The following AAK1 variants were observed in gnomAD, a reference collection of about 807,000 sequenced individuals.
The protein encoded by AAK1 is AP2-associated protein kinase 1.
Under a neutral mutation model 116.0 loss-of-function variants are expected in AAK1, and 37 were observed. That is an observed-to-expected ratio of 0.32 (90% CI 0.25 to 0.42). The LOEUF is 0.42. Ranked by LOEUF, AAK1 falls within the 10% of genes least tolerant of loss-of-function variation. The pLI, the probability that AAK1 is intolerant of heterozygous loss-of-function variation, is 1.00. For missense variants in AAK1, 919 were observed against 1,170.6 expected (o/e 0.79, Z 3.14); for synonymous variants, 458 against 439.9 (o/e 1.04, Z -0.51).
rs1558917896 is a variant in AAK1, at chr2:69,505,639, C to G, written c.2199G>C (p.Glu733Asp). ...TTGATTGAAAGCCTGGGATCAAACTCTCAGCTGAGCCTCCAAGCTTCTCGG... is the reference window on the plus strand; with the variant it reads ...TTGATTGAAAGCCTGGGATCAAACTGTCAGCTGAGCCTCCAAGCTTCTCGG... ...KHPEKLGGSA[E>D]SLIPGFQSTQ... Residue 733 changes from glutamate (E) to aspartate (D), a missense_variant, in exon 16 of 22, where the codon GAG becomes GAC. Physicochemically the swap from Glu to Asp is conservative, Grantham distance 45. Around this residue, in one of 4 missense-constraint regions of AAK1, gnomAD observed 263 missense variants for 285.5 expected, o/e 0.92. Transcript: ENST00000409085. The G allele has an allele frequency of 6.2e-7, 1 of 1,613,742 alleles. No homozygotes were observed. Among genetic ancestry groups the G allele is most frequent in the Non-Finnish European group, 8.5e-7 (1 of 1,179,738 alleles).
At chr2:69,492,331 A>G (rs1325433750) in intron 17 of AAK1, among the ~76,000 whole-genome samples, 2 of 151,446 alleles carry the variant, frequency 1.3e-5, no homozygotes, top group African/African-American at 4.9e-5. Context: ...CTTCTGCCTC[A>G]GCCTCCTGAG....
At chr2:69,621,260 G>C (rs985232599) in intron 2 of AAK1, among the ~76,000 whole-genome samples, 9 of 152,206 alleles carry the variant, frequency 5.9e-5, no homozygotes, top group Admixed American at 1.3e-4. Context: ...GGCATCACCT[G>C]AGGTCGGGAG....
chr2:69,516,911 A>C (rs574802078), intron 12 of AAK1: 2 of 152,210 alleles, frequency 1.3e-5, no homozygotes, highest in Non-Finnish European at 2.9e-5. Context: ...GCAGGGGACC[A>C]GTAGCCTAAG....
At chr2:69,602,683 G>T (rs1673631034) in intron 2 of AAK1, among the ~76,000 whole-genome samples, 1 of 152,136 alleles carries the variant, frequency 6.6e-6, no homozygotes, top group Admixed American at 6.6e-5. Flanking sequence ...GAGACTCAGG[G>T]TTCCAAGGCT....
At chr2:69,477,067 C>T in intron 20 of AAK1, 77 bp from the exon 21 acceptor site, 2 of 928,546 alleles carry the variant, frequency 2.2e-6, no homozygotes, top group South Asian at 2.9e-5. Context: ...GAAAGAGGCA[C>T]AAAGATCTCA....
In AAK1 at chr2:69,466,866, T is replaced by C; in HGVS notation, c.*9003A>G. 1.0e-6 allele frequency: 1 copy of C among 985,406 alleles called. No homozygotes were observed. The highest frequency in any genetic ancestry group is 1.2e-6 in the Non-Finnish European group (1 of 829,934). The allele number at this position is 985,406 out of a possible 1,614,324, so 61.0% of individuals were successfully genotyped here. On this transcript the variant is annotated 3_prime_UTR_variant, in exon 22 of 22. Transcript: ENST00000409085. ...GCCAGGCACGGACACCTGCTCTACCTGGCACTGGCTCATTATGGAATGAAA... is the reference window on the plus strand; with the variant it reads ...GCCAGGCACGGACACCTGCTCTACCCGGCACTGGCTCATTATGGAATGAAA...
chr2:69,529,964 T>C (rs372776026), intron 8 of AAK1, 44 bp downstream of exon 8: 142 of 1,438,934 alleles, frequency 9.9e-5, no homozygotes, highest in Non-Finnish European at 1.2e-4. Context: ...TCATTCTTTG[T>C]GATTAGAAAT....
At chr2:69,638,339 T>C (rs1426126910) in intron 2 of AAK1, among the ~76,000 whole-genome samples, 1 of 152,236 alleles carries the variant, frequency 6.6e-6, no homozygotes, top group Non-Finnish European at 1.5e-5. Context: ...TTCCCTTCCC[T>C]GCCTGCTTTT....
chr2:69,629,737 C>T (rs934503735), intron 2 of AAK1, among the ~76,000 whole-genome samples: 1 of 152,172 alleles, frequency 6.6e-6, no homozygotes, highest in Non-Finnish European at 1.5e-5. Flanking sequence ...AATTCATTCT[C>T]CAGTACCCAC....
chr2:69,568,069 A>G (rs6741033), intron 2 of AAK1, among the ~76,000 whole-genome samples: 3,384 of 152,284 alleles, frequency 0.022, 136 homozygotes, highest in African/African-American at 0.077. Flanking sequence ...CGGAGGGAGC[A>G]GCATCGGTGC....
At chr2:69,499,890 C>G (rs1191293647) in intron 16 of AAK1, 3 of 152,098 alleles carry the variant, frequency 2.0e-5, no homozygotes, top group African/African-American at 7.2e-5. Flanking sequence ...ATTTTATTTT[C>G]TTTACTTTGG....
intron 20 of AAK1, 121 bp downstream of exon 20, chr2:69,478,830 T>A: frequency 1.3e-6 from 1 of 743,434 alleles, no homozygotes; most frequent in East Asian, 2.7e-5. Flanking sequence ...AAGTTTTCCA[T>A]ACAAGGAGGT....
At position 69,474,966 on chromosome 2, in the gene AAK1, A is replaced by G. The variant is rs1288796530; in HGVS notation, c.*903T>C. 2 of 134,574 alleles carry G rather than the reference A, an allele frequency of 1.5e-5. No individual in the cohort carries two copies. Among genetic ancestry groups the G allele is most frequent in the African/African-American group, 1.2e-4 (2 of 16,378 alleles). 8.3% of individuals were successfully genotyped at this position (134,574 alleles called of 1,614,324 possible). On this transcript the variant is annotated 3_prime_UTR_variant, in exon 22 of 22. Transcript: ENST00000409085. ...TCTGCTACAATTCCTTCCCCTCCCC[A>G]TCCTCCCCCCACCCCCGCCCCAGTG...
chr2:69,597,055 C>A (rs566453782), intron 2 of AAK1, among the ~76,000 whole-genome samples: 2 of 151,512 alleles, frequency 1.3e-5, no homozygotes, highest in Non-Finnish European at 2.9e-5. Context: ...GTGTTCACAG[C>A]AAATCTGAGT....
intron 16 of AAK1, among the ~76,000 whole-genome samples, chr2:69,502,598 G>A (rs1195544048): frequency 6.6e-6 from 1 of 152,054 alleles, no homozygotes; most frequent in Non-Finnish European, 1.5e-5. Flanking sequence ...TCCAGCCTGG[G>A]CAACAAGAGC....
At position 69,482,769 on chromosome 2, in the gene AAK1, C is replaced by G. The variant is rs769551389; in HGVS notation, c.2409G>C (p.Leu803=). Residue 803 remains leucine, a synonymous_variant, in exon 18 of 22, where the codon CTG becomes CTC. Transcript: ENST00000409085. ...CTGTCATAGGCAAGAGGTCAGGGAGCAGAAGAGAAGTGTCAGGAGATTTGA... is the reference window on the plus strand; with the variant it reads ...CTGTCATAGGCAAGAGGTCAGGGAGGAGAAGAGAAGTGTCAGGAGATTTGA... ...EGLKSPDTSL[L]LPDLLPMTDP... is the part of the protein sequence containing the mutation. The G allele has an allele frequency of 6.2e-7, 1 of 1,613,792 alleles. No homozygotes were observed. The highest frequency in any genetic ancestry group is 8.5e-7 in the Non-Finnish European group (1 of 1,179,746).
intron 2 of AAK1, among the ~76,000 whole-genome samples, chr2:69,582,232 C>CT (rs1242284097): frequency 2.6e-5 from 4 of 152,212 alleles, no homozygotes; most frequent in African/African-American, 9.7e-5. Context: ...CAACACAGAT[C>CT]ATCTGCCAGT....
chr2:69,556,694 C>T (rs1485363524), intron 3 of AAK1, among the ~76,000 whole-genome samples, 166 bp downstream of exon 3: 1 of 152,070 alleles, frequency 6.6e-6, no homozygotes, highest in Non-Finnish European at 1.5e-5. Flanking sequence ...CTGAGAGTGA[C>T]CAAGGCAAGG....
chr2:69,588,451 TA>T (rs1224098039), intron 2 of AAK1, among the ~76,000 whole-genome samples: 1 of 152,146 alleles, frequency 6.6e-6, no homozygotes, highest in Admixed American at 6.5e-5. Context: ...GAAAGAAGAG[TA>T]AACCCATTCC....
Sources: gnomAD v4.1 joint callset for allele counts (sites outside exome capture counted in the v4.1 genomes callset) on GRCh38, gnomAD v4.1.1 for gene constraint, gnomAD v4.1.1 regional missense constraint, MANE v1.5 for transcripts, NCBI Gene and HGNC (gene_info 2026-07-23, HGNC 2026-07-21) for gene names.